The following WDR49 variants were observed in gnomAD, a reference collection of about 807,000 sequenced individuals.
The protein encoded by WDR49 is cilia- and flagella-associated protein 337.
In WDR49, 107 loss-of-function variants were observed where a neutral mutation model predicts 119.5. The ratio of observed to expected loss-of-function variants is 0.90; its 90% confidence interval spans 0.77 to 1.05. The LOEUF is 1.05. Among genes scored for constraint, WDR49 ranks in the 50% least tolerant of loss-of-function variants. WDR49 has a pLI of 0.00. For missense variants in WDR49, 1,240 were observed against 1,220.5 expected (o/e 1.02, Z -0.24); for synonymous variants, 425 against 418.8 (o/e 1.01, Z -0.18).
chr3:167,573,791 G>A (rs1577249409), intron 8 of WDR49, among the ~76,000 whole-genome samples: 1 of 152,094 alleles, frequency 6.6e-6, no homozygotes, highest in African/African-American at 2.4e-5. Flanking sequence ...ACAAATGGCC[G>A]TCAATATGCT....
At chr3:167,595,125 C>CA (rs1715344099) in intron 7 of WDR49, among the ~76,000 whole-genome samples, 1 of 151,836 alleles carries the variant, frequency 6.6e-6, no homozygotes, top group African/African-American at 2.4e-5. Context: ...ACAATTGCTT[C>CA]AAAGAGAATA....
chr3:167,604,491 A>G lies in WDR49; in HGVS notation c.959-23T>C, dbSNP rs773970735. On this transcript the variant is annotated intron_variant, in intron 5 of 18. Transcript: ENST00000682715. The stretch of plus-strand genomic sequence containing the variant: ...TAACTGATAAAAAATTAAAAAGAGA[A>G]AAACAATCTTTAGTTGATTCTTCAC... The G allele has an allele frequency of 7.7e-6, 12 of 1,562,108 alleles. No individual in the cohort carries two copies. The South Asian group carries it at 1.3e-4, about 17-fold the overall frequency.
intron 15 of WDR49, among the ~76,000 whole-genome samples, chr3:167,527,487 T>C (rs1752678002): frequency 6.6e-6 from 1 of 152,110 alleles, no homozygotes; most frequent in African/African-American, 2.4e-5. Context: ...GTCTTTTTAG[T>C]TACATGATCA....
rs555582037 is a variant in WDR49, at chr3:167,534,291, C to T, written c.1955-1314G>A. ...TGTCCATAGAAATATCCATCTTCTC[C>T]TATGCTTTACTAGCAGTGACTGACC... is the stretch of plus-strand genomic sequence containing the variant. On this transcript the variant is annotated intron_variant, in intron 11 of 18. Coordinates refer to ENST00000682715, the MANE Select transcript of WDR49 (RefSeq NM_001366157.1). 5.9e-5 allele frequency among the ~76,000 whole-genome samples: 9 copies of T among 152,250 alleles called. No individual in the cohort carries two copies. The East Asian group carries it at 1.5e-3, about 26-fold the overall frequency.
intron 16 of WDR49, among the ~76,000 whole-genome samples, chr3:167,510,395 A>C (rs1751925572): frequency 6.6e-6 from 1 of 152,250 alleles, no homozygotes; most frequent in African/African-American, 2.4e-5. Flanking sequence ...TAAACTAGGA[A>C]AAATATATGT....
chr3:167,529,080 T>C lies in WDR49; in HGVS notation c.2378A>G (p.Asp793Gly). 2 of 1,590,076 alleles carry C rather than the reference T, an allele frequency of 1.3e-6. No individual in the cohort carries two copies. The highest frequency in any genetic ancestry group is 1.7e-6 in the Non-Finnish European group (2 of 1,172,228). ...TATATTCCAGATTTTCAACCATCCATCAAGATCTCCTGTGGTAAGGTATCG... is the reference window on the plus strand; with the variant it reads ...TATATTCCAGATTTTCAACCATCCACCAAGATCTCCTGTGGTAAGGTATCG... ...MNRYLTTGDLDGWLKIWNIEE... is the reference protein window; with the variant it reads ...MNRYLTTGDLGGWLKIWNIEE... Residue 793 changes from aspartate (D) to glycine (G), a missense_variant, in exon 14 of 19, where the codon GAT becomes GGT. Physicochemically the swap from Asp to Gly is moderately conservative, Grantham distance 94. Coordinates refer to ENST00000682715, the MANE Select transcript of WDR49 (RefSeq NM_001366157.1).
At chr3:167,611,128 C>A (rs558094972) in intron 5 of WDR49, among the ~76,000 whole-genome samples, 2 of 152,210 alleles carry the variant, frequency 1.3e-5, no homozygotes, top group South Asian at 4.2e-4. Flanking sequence ...ATACTAATAA[C>A]TACGAATTTT....
At chr3:167,643,870 T>C (rs1216193182) in intron 2 of WDR49, among the ~76,000 whole-genome samples, 1 of 152,006 alleles carries the variant, frequency 6.6e-6, no homozygotes, top group Non-Finnish European at 1.5e-5. Flanking sequence ...ATCATAATAG[T>C]GAATGATGGC....
chr3:167,567,209 A>T (rs748354770), intron 8 of WDR49, among the ~76,000 whole-genome samples: 1 of 152,168 alleles, frequency 6.6e-6, no homozygotes, highest in African/African-American at 2.4e-5. Context: ...TCTAATGTCC[A>T]TTATTGTCTA....
intron 5 of WDR49, among the ~76,000 whole-genome samples, chr3:167,612,746 C>T (rs1716399100): frequency 6.6e-6 from 1 of 151,724 alleles, no homozygotes; most frequent in African/African-American, 2.4e-5. Context: ...TGCATACAAC[C>T]CACCAAGACT....
At chr3:167,569,680 CAAAA>C (rs199809894) in intron 8 of WDR49, among the ~76,000 whole-genome samples, 1 of 96,718 alleles carries the variant, frequency 1.0e-5, no homozygotes. Context: ...CTGGACACAG[CAAAA>C]AAAAAAAAAA....
At chr3:167,578,396 G>T (rs1434229734) in intron 7 of WDR49, among the ~76,000 whole-genome samples, 1 of 151,804 alleles carries the variant, frequency 6.6e-6, no homozygotes, top group Admixed American at 6.6e-5. Flanking sequence ...ACTCTTTCTT[G>T]TTTATGATTT....
chr3:167,637,537 GT>G (rs540995265), intron 2 of WDR49, among the ~76,000 whole-genome samples: 201 of 151,684 alleles, frequency 1.3e-3, no homozygotes, highest in African/African-American at 4.7e-3. Flanking sequence ...AAGAATAGTG[GT>G]GGTATTTTGA....
intron 7 of WDR49, among the ~76,000 whole-genome samples, chr3:167,589,450 A>G (rs762293148): frequency 6.6e-6 from 1 of 151,888 alleles, no homozygotes; most frequent in Non-Finnish European, 1.5e-5. Context: ...AAATTTTAGG[A>G]TTGTTTTTCC....
intron 16 of WDR49, among the ~76,000 whole-genome samples, chr3:167,509,390 A>T (rs1286162214): frequency 6.6e-6 from 1 of 152,202 alleles, no homozygotes; most frequent in Non-Finnish European, 1.5e-5. Flanking sequence ...TCTCTTAAAG[A>T]TGCCATAGGA....
chr3:167,644,044 C>T (rs1426606857), intron 2 of WDR49, among the ~76,000 whole-genome samples: 1 of 147,322 alleles, frequency 6.8e-6, no homozygotes, highest in Non-Finnish European at 1.5e-5. Flanking sequence ...GACAAATTCC[C>T]CCCAATCCCC....
chr3:167,601,652 A>C (rs1310715049), intron 7 of WDR49, among the ~76,000 whole-genome samples: 1 of 152,142 alleles, frequency 6.6e-6, no homozygotes, highest in Non-Finnish European at 1.5e-5. Context: ...ATATCATAAA[A>C]CAGAAATGAA....
At chr3:167,486,965 C>T (rs1750944796) in intron 18 of WDR49, among the ~76,000 whole-genome samples, 1 of 151,982 alleles carries the variant, frequency 6.6e-6, no homozygotes, top group Admixed American at 6.6e-5. Context: ...ATTCTAAGAT[C>T]AACCACATGC....
intron 7 of WDR49, among the ~76,000 whole-genome samples, chr3:167,587,833 A>C (rs1714897377): frequency 6.6e-6 from 1 of 152,060 alleles, no homozygotes; most frequent in African/African-American, 2.4e-5. Context: ...GGTACAGAGT[A>C]GGTGTATATA....
Sources: allele counts gnomAD v4.1 joint callset (sites outside exome capture counted in the v4.1 genomes callset), GRCh38; gene constraint gnomAD v4.1.1; transcripts MANE v1.5; gene names NCBI Gene and HGNC (gene_info 2026-07-23, HGNC 2026-07-21).